The following CEP250 variants were observed in gnomAD, a reference collection of about 807,000 sequenced individuals.
CEP250 encodes the protein centrosome-associated protein CEP250.
In CEP250, 242 loss-of-function variants were observed where a neutral mutation model predicts 315.7. The observed-to-expected ratio is 0.77, with a 90% CI of 0.69 to 0.85. The LOEUF (loss-of-function observed/expected upper bound fraction) is 0.85, where lower values mean the gene tolerates loss of function less well. Among genes scored for constraint, CEP250 ranks in the 40% least tolerant of loss-of-function variants. The pLI is 0.00. For missense variants in CEP250, 2,515 were observed against 2,886.4 expected, an observed-to-expected ratio of 0.87 and a Z score of 2.95; for synonymous variants, 1,088 against 1,175.0, an observed-to-expected ratio of 0.93 and a Z score of 1.51.
At chr20:35,471,956 T>G in intron 10 of CEP250, 94 bp from the exon 11 acceptor site, 1 of 756,130 alleles carries the variant, frequency 1.3e-6, no homozygotes, top group African/African-American at 1.7e-5. Context: ...GCTGATAGAA[T>G]AGACAGAATG....
chr20:35,459,731 G>A (rs1348914636), intron 2 of CEP250, among the ~76,000 whole-genome samples: 1 of 151,950 alleles, frequency 6.6e-6, no homozygotes, highest in East Asian at 1.9e-4. Flanking sequence ...AGCTATGATT[G>A]CACCACTGTA....
Position 35,517,111 on chromosome 20 carries a change from ACCT to A in CEP250, c.*5489_*5491del, listed in dbSNP as rs1255285350. 1.3e-6 allele frequency: 1 copy of A among 751,712 alleles called. No homozygotes were observed. The highest frequency in any genetic ancestry group is 1.3e-4 in the East Asian group (1 of 7,770). The allele number at this position is 751,712 out of a possible 1,614,324, so 46.6% of individuals were successfully genotyped here. A position where few individuals can be genotyped will look rare whatever the true frequency, so the allele number is the denominator to read the frequency against. On this transcript the variant is annotated 3_prime_UTR_variant, in exon 35 of 35. Transcript: ENST00000397527. ...TCCCTTCCTCAACCGTCCGCAGAAC[ACCT>A]CCTTCCAGCACCTTAGCTCCTGCCT...
chr20:35,462,458 A>T lies in CEP250; in HGVS notation c.91A>T (p.Met31Leu). ...EEQVLALQQQMAENQAASWRK... is the reference protein window; with the variant it reads ...EEQVLALQQQLAENQAASWRK... ...GCAGGTGCTGGCACTACAGCAGCAG[A>T]TGGCAGAGAATCAGGCAGCCTCCTG... Residue 31 changes from methionine to leucine, a missense_variant, in exon 4 of 35, where the codon ATG becomes TTG. Physicochemically the swap from Met to Leu is conservative, Grantham distance 15. Coordinates refer to ENST00000397527, the MANE Select transcript of CEP250 (RefSeq NM_007186.6). 6.2e-7 allele frequency: 1 copy of T among 1,607,744 alleles called. No individual in the cohort carries two copies. Among genetic ancestry groups the T allele is most frequent in the Non-Finnish European group, 8.5e-7 (1 of 1,176,918 alleles).
At chr20:35,508,313 G>GTTT in intron 32 of CEP250, 123 bp downstream of exon 32, 1 of 1,097,514 alleles carries the variant, frequency 9.1e-7, no homozygotes, top group African/African-American at 1.6e-5. Context: ...TGAAAATTAA[G>GTTT]TTTGTTTTTT....
chr20:35,500,297 C>A, intron 28 of CEP250, 128 bp downstream of exon 28: 1 of 1,165,420 alleles, frequency 8.6e-7, no homozygotes, highest in East Asian at 2.5e-5. Context: ...ACATCTCACT[C>A]TGTCACTCAG....
At chr20:35,487,660 C>T (rs763616878) in intron 20 of CEP250, among the ~76,000 whole-genome samples, 17 of 151,988 alleles carry the variant, frequency 1.1e-4, no homozygotes, top group Non-Finnish European at 1.6e-4. Flanking sequence ...CAGGGCTGGG[C>T]GTGGTGGCTC....
chr20:35,493,498 CA>C lies in CEP250; in HGVS notation c.2960del (p.His987ProfsTer29). ...QRELKEAARQHRDDLAALQEE... is the reference protein window; with the variant it reads ...QRELKEAARQXRDDLAALQEE... ...GGAGCTGAAGGAGGCAGCCCGGCAG[CA>C]CAGAGATGACCTTGCTGCCCTCCAA... On this transcript the variant is annotated frameshift_variant, in exon 23 of 35. Transcript: ENST00000397527. LOFTEE classifies it high-confidence loss of function. 1 of 1,610,084 alleles carries C rather than the reference CA, an allele frequency of 6.2e-7. No homozygotes were observed. Among genetic ancestry groups the C allele is most frequent in the Non-Finnish European group, 8.5e-7 (1 of 1,178,384 alleles).
chr20:35,504,502 G>A lies in CEP250; in HGVS notation c.6133G>A (p.Ala2045Thr). ...EDVQQLQQAL[A>T]QRDEELRHQQ... is the part of the protein sequence containing the mutation. ...TGTGCAGCAGCTGCAGCAGGCACTT[G>A]CCCAGAGGGATGAAGAGCTGAGACA... is the stretch of plus-strand genomic sequence containing the variant. The change falls in exon 30 of 35, where the codon GCC (alanine) becomes ACC (threonine). Residue 2045 changes from alanine (A) to threonine (T), a missense_variant. By Grantham distance (58) the Ala-to-Thr change is moderately conservative. Coordinates refer to ENST00000397527, the MANE Select transcript of CEP250 (RefSeq NM_007186.6). 1 of 1,613,882 alleles carries A rather than the reference G, an allele frequency of 6.2e-7. No homozygotes were observed. Among genetic ancestry groups the A allele is most frequent in the Non-Finnish European group, 8.5e-7 (1 of 1,179,868 alleles).
At position 35,504,665 on chromosome 20, in the gene CEP250, T is replaced by C. The variant is rs756232136; in HGVS notation, c.6296T>C (p.Leu2099Pro). 6 of 1,613,942 alleles carry C rather than the reference T, an allele frequency of 3.7e-6. No homozygotes were observed. In the East Asian group the frequency reaches 1.3e-4, roughly 36 times the overall value. The change falls in exon 30 of 35, where the codon CTA (leucine) becomes CCA (proline). Residue 2099 changes from leucine (L) to proline (P), a missense_variant. Leu to Pro is a moderately conservative substitution (Grantham distance 98). Transcript: ENST00000397527. ...GGCCTTCATCAGAGTGTAAGGGAGC[T>C]ACAGCTGACTCTAGCCCAAAAGGAA... ...IRGLHQSVRE[L>P]QLTLAQKEQE...
At chr20:35,493,790 A>T (rs1386108143) in intron 23 of CEP250, among the ~76,000 whole-genome samples, 1 of 152,212 alleles carries the variant, frequency 6.6e-6, no homozygotes, top group Non-Finnish European at 1.5e-5. Flanking sequence ...TGTAATGGTC[A>T]CAGAGTTTTT....
Position 35,511,494 on chromosome 20 carries a change from C to A in CEP250, c.7197C>A (p.Ala2399=). 1 of 1,614,188 alleles carries A rather than the reference C, an allele frequency of 6.2e-7. No individual in the cohort carries two copies. The highest frequency in any genetic ancestry group is 8.5e-7 in the Non-Finnish European group (1 of 1,180,030). The stretch of plus-strand genomic sequence containing the variant: ...TCTCACACTCACTTCTTGCCGTGGC[C>A]CAGGCCCCTGAGGCCACTGTCCTGG... ...HSLSHSLLAV[A]QAPEATVLEA... is the part of the protein sequence containing the mutation. Residue 2399 remains alanine (A), a synonymous_variant, in exon 35 of 35, where the codon GCC becomes GCA. Transcript: ENST00000397527.
At chr20:35,469,071 T>C (rs1469617605) in intron 9 of CEP250, among the ~76,000 whole-genome samples, 2 of 152,126 alleles carry the variant, frequency 1.3e-5, no homozygotes, top group African/African-American at 4.8e-5. Flanking sequence ...ATTAAGACTT[T>C]TGCTGAGTGA....
chr20:35,492,940 G>C (rs115660470), intron 22 of CEP250, among the ~76,000 whole-genome samples: 3,395 of 152,104 alleles, frequency 0.022, 143 homozygotes, highest in African/African-American at 0.077. Flanking sequence ...GTTGGCCAGG[G>C]TCGTCTCAAA....
chr20:35,505,736 A>G (rs1334524676), intron 30 of CEP250, among the ~76,000 whole-genome samples: 2 of 151,664 alleles, frequency 1.3e-5, no homozygotes, highest in African/African-American at 4.8e-5. Context: ...TCACGGGAAG[A>G]GGAAAAGAGG....
chr20:35,464,645 A>G lies in CEP250; in HGVS notation c.243+1014A>G, dbSNP rs546108505. Among the ~76,000 whole-genome samples the G allele has an allele frequency of 1.7e-3, 254 of 152,308 alleles. 1 individual carries two copies. The highest frequency in any genetic ancestry group is 5.9e-3 in the African/African-American group (244 of 41,578). On this transcript the variant is annotated intron_variant, in intron 5 of 34. Transcript: ENST00000397527. Reference sequence around the variant, plus strand: ...ATATCATAAGTTGAAAATGTCAGCCAGGCGCAGTGGCTCATGCCTGTAATC... The same window carrying G: ...ATATCATAAGTTGAAAATGTCAGCCGGGCGCAGTGGCTCATGCCTGTAATC...
At chr20:35,467,186 G>T in intron 8 of CEP250, 114 bp downstream of exon 8, 9 of 1,332,212 alleles carry the variant, frequency 6.8e-6, no homozygotes, top group South Asian at 1.3e-5. Context: ...GGGGGAGTTG[G>T]TAGTATTGGA....
chr20:35,508,317 G>GTTTT, intron 32 of CEP250, 127 bp downstream of exon 32: 1 of 837,998 alleles, frequency 1.2e-6, no homozygotes, highest in African/African-American at 1.8e-5. Context: ...AATTAAGTTT[G>GTTTT]TTTTTTTTTT....
rs893418107 is a variant in CEP250, at chr20:35,517,521, A to C, written c.*5895A>C. 1 of 152,206 alleles carries C rather than the reference A, an allele frequency of 6.6e-6. No individual in the cohort carries two copies. The highest frequency in any genetic ancestry group is 1.5e-5 in the Non-Finnish European group (1 of 68,034). The allele number at this position is 152,206 out of a possible 1,614,324, so 9.4% of individuals were successfully genotyped here. On this transcript the variant is annotated 3_prime_UTR_variant, in exon 35 of 35. Transcript: ENST00000397527. ...TAAGAGGGTTAAAAATAAATTTCCC[A>C]TGCATCCAAACTTTTTTCTTTGGTA...
At chr20:35,456,020 C>T (rs1273847183) in intron 1 of CEP250, among the ~76,000 whole-genome samples, 1 of 152,228 alleles carries the variant, frequency 6.6e-6, no homozygotes, top group Non-Finnish European at 1.5e-5. Context: ...CTCAGCCTCC[C>T]AAGTAGCTGG....
Sources: allele counts gnomAD v4.1 joint callset (sites outside exome capture counted in the v4.1 genomes callset), GRCh38; gene constraint gnomAD v4.1.1; transcripts MANE v1.5; gene names NCBI Gene and HGNC (gene_info 2026-07-23, HGNC 2026-07-21).